Variants in CLASP2 observed in about 807,000 individuals in gnomAD.
CLASP2 encodes cytoplasmic linker associated protein 2.
In CLASP2, 47 loss-of-function variants were observed where a neutral mutation model predicts 194.4. The ratio of observed to expected loss-of-function variants is 0.24; its 90% CI spans 0.19 to 0.31. The LOEUF is 0.31. Ranked by LOEUF, CLASP2 falls within the 10% of genes least tolerant of loss-of-function variation. The probability of loss-of-function intolerance (pLI) is 1.00; values close to 1 mark genes in which losing one functional copy is unlikely to be tolerated. For missense variants in CLASP2, 1,445 were observed against 1,823.6 expected, an observed-to-expected ratio of 0.79 and a Z score of 3.78; for synonymous variants, 619 against 633.5, an observed-to-expected ratio of 0.98 and a Z score of 0.34.
At chr3:33,560,265 CAG>C (rs1278592342) in intron 28 of CLASP2, among the ~76,000 whole-genome samples, 8 of 149,344 alleles carry the variant, frequency 5.4e-5, no homozygotes, top group African/African-American at 1.2e-4. Flanking sequence ...TTTTTTGAGA[CAG>C]AGTCTCGCTC....
rs112093650 is a variant in CLASP2, at chr3:33,498,426, G to C, written c.*205C>G. ...ATTGATGTTAATACTGCTTCTTCTT[G>C]AATTTGGAATAACTATCATAAAAGT... is the stretch of plus-strand genomic sequence containing the variant. On this transcript the variant is annotated 3_prime_UTR_variant, in exon 39 of 39. Coordinates refer to ENST00000682230, the MANE Select transcript of CLASP2 (RefSeq NM_001365631.1). 2.3e-6 allele frequency: 1 copy of C among 437,342 alleles called. No individual in the cohort carries two copies. Among genetic ancestry groups the C allele is most frequent in the African/African-American group, 2.0e-5 (1 of 49,856 alleles). 27.1% of individuals were successfully genotyped at this position (437,342 alleles called of 1,614,324 possible).
intron 7 of CLASP2, among the ~76,000 whole-genome samples, chr3:33,651,682 A>G (rs1023916754): frequency 1.1e-4 from 15 of 131,012 alleles, no homozygotes; most frequent in African/African-American, 3.8e-4. Context: ...TTTTTGAGAC[A>G]GTGTTTTGCT....
At chr3:33,696,169 T>TC (rs1249555653) in intron 2 of CLASP2, among the ~76,000 whole-genome samples, 13 of 151,946 alleles carry the variant, frequency 8.6e-5, no homozygotes, top group Non-Finnish European at 8.8e-5. Flanking sequence ...GTTTTTTTTT[T>TC]CATTTAATTT....
chr3:33,697,595 A>G (rs781601897), intron 1 of CLASP2, among the ~76,000 whole-genome samples: 7 of 152,224 alleles, frequency 4.6e-5, no homozygotes, highest in Admixed American at 1.3e-4. Context: ...ATGCATAACT[A>G]TATTTGTAAC....
chr3:33,564,319 G>A (rs2154183183), intron 27 of CLASP2, among the ~76,000 whole-genome samples: 1 of 152,240 alleles, frequency 6.6e-6, no homozygotes, highest in Non-Finnish European at 1.5e-5. Flanking sequence ...GTCTAGCCAA[G>A]ATTAACTTCT....
chr3:33,684,172 G>C (rs549569336), intron 6 of CLASP2, among the ~76,000 whole-genome samples, 187 bp downstream of exon 6: 1 of 151,936 alleles, frequency 6.6e-6, no homozygotes, highest in South Asian at 2.1e-4. Flanking sequence ...TTGAACCCAG[G>C]AGTCAGAGGT....
chr3:33,666,120 T>C (rs564378390), intron 6 of CLASP2, among the ~76,000 whole-genome samples: 436 of 152,282 alleles, frequency 2.9e-3, no homozygotes, highest in Non-Finnish European at 3.1e-3. Context: ...AAGTTTAGAA[T>C]AAGAATAGTA....
intron 13 of CLASP2, among the ~76,000 whole-genome samples, 170 bp from the exon 14 acceptor site, chr3:33,608,796 AGGCTGGAGTGCAGT>A (rs2074469529): frequency 8.6e-6 from 1 of 116,202 alleles, no homozygotes; most frequent in Admixed American, 1.3e-4. Flanking sequence ...CTTCTTGCCC[AGGCTGGAGTGCAGT>A]GGCGCGATCT....
rs901551340 is a variant in CLASP2 at position 33,561,074 on chromosome 3, A to G, written c.2767-103T>C. 1.4e-5 allele frequency: 14 copies of G among 995,844 alleles called. No homozygotes were observed. In the Admixed American group the frequency reaches 1.9e-4, roughly 14 times the overall value. The allele number at this position is 995,844 out of a possible 1,614,324, so 61.7% of individuals were successfully genotyped here. ...AGAAAGGAACACAGGAATCAGAGGC[A>G]CAGCGATTGGCAGCCAAGCGGAAAA... On this transcript the variant is annotated intron_variant, in intron 27 of 38. Coordinates refer to ENST00000682230, the MANE Select transcript of CLASP2 (RefSeq NM_001365631.1).
rs564393145 is a variant in CLASP2 at position 33,539,790 on chromosome 3, C to A, written c.3405-848G>T. 2.6e-5 allele frequency among the ~76,000 whole-genome samples: 4 copies of A among 152,240 alleles called. No individual in the cohort carries two copies. In the East Asian group the frequency reaches 7.7e-4, roughly 29 times the overall value. ...CTCAAACAGCCTAAAATATTTACTACCTGACCCTTTACAGAAAGTTTATCA... is the reference window on the plus strand; with the variant it reads ...CTCAAACAGCCTAAAATATTTACTAACTGACCCTTTACAGAAAGTTTATCA... On this transcript the variant is annotated intron_variant, in intron 32 of 38. Coordinates refer to ENST00000682230, the MANE Select transcript of CLASP2 (RefSeq NM_001365631.1).
intron 35 of CLASP2, among the ~76,000 whole-genome samples, chr3:33,516,519 T>C (rs1231962213): frequency 1.3e-5 from 2 of 151,882 alleles, no homozygotes; most frequent in Non-Finnish European, 2.9e-5. Context: ...AACACAAAAT[T>C]AGCCGGGGGT....
At chr3:33,526,391 T>C (rs761339536) in intron 34 of CLASP2, among the ~76,000 whole-genome samples, 1 of 152,148 alleles carries the variant, frequency 6.6e-6, no homozygotes, top group African/African-American at 2.4e-5. Flanking sequence ...AGTAGGACAT[T>C]ACATAATGGA....
intron 34 of CLASP2, among the ~76,000 whole-genome samples, chr3:33,532,189 C>T (rs1375875080): frequency 6.6e-6 from 1 of 152,088 alleles, no homozygotes; most frequent in Non-Finnish European, 1.5e-5. Context: ...ATTATTCAGC[C>T]TTACAAAGGA....
Position 33,619,758 on chromosome 3 carries a change from GT to G in CLASP2, c.1182-21del. ...AGGTGGCTACAAAGGAAGACAAAAA[GT>G]ATTTTTTAATAGTTTAACATTAAAT... On this transcript the variant is annotated intron_variant, in intron 11 of 38. Coordinates refer to ENST00000682230, the MANE Select transcript of CLASP2 (RefSeq NM_001365631.1). 1.3e-6 allele frequency: 2 copies of G among 1,552,226 alleles called. No individual in the cohort carries two copies. Among genetic ancestry groups the G allele is most frequent in the Non-Finnish European group, 1.7e-6 (2 of 1,150,888 alleles).
chr3:33,687,290 A>C (rs554563999), intron 4 of CLASP2, among the ~76,000 whole-genome samples, 155 bp from the exon 5 acceptor site: 1 of 151,192 alleles, frequency 6.6e-6, no homozygotes, highest in South Asian at 2.1e-4. Context: ...ACATAAGCAA[A>C]AAATAATTCT....
intron 14 of CLASP2, 39 bp downstream of exon 14, chr3:33,608,528 T>C (rs773340765): frequency 1.6e-5 from 24 of 1,494,692 alleles, no homozygotes; most frequent in Non-Finnish European, 2.2e-5. Context: ...CTGGTGACAA[T>C]GGGGAGGAAA....
chr3:33,544,417 T>TTA lies in CLASP2; in HGVS notation c.3297+280_3297+281insTA, dbSNP rs1478541213. Reference sequence around the variant, plus strand: ...CCTGATTCTAATGGCTTCCAGCTGGTGCTCTCATCTATGTTTTGCTCACGT... The same window carrying TTA: ...CCTGATTCTAATGGCTTCCAGCTGGTTAGCTCTCATCTATGTTTTGCTCACGT... On this transcript the variant is annotated intron_variant, in intron 31 of 38. Coordinates refer to ENST00000682230, the MANE Select transcript of CLASP2 (RefSeq NM_001365631.1). Among the ~76,000 whole-genome samples the TTA allele has an allele frequency of 3.3e-5, 5 of 152,160 alleles. No individual in the cohort carries two copies. The East Asian group carries it at 9.6e-4, about 29-fold the overall frequency.
intron 36 of CLASP2, among the ~76,000 whole-genome samples, chr3:33,512,496 A>G (rs1295928994): frequency 2.8e-5 from 1 of 35,178 alleles, no homozygotes; most frequent in African/African-American, 1.3e-4. Context: ...AGCATGGCAC[A>G]TGTATACATA....
At chr3:33,540,505 G>T (rs1373872781) in intron 32 of CLASP2, among the ~76,000 whole-genome samples, 1 of 151,576 alleles carries the variant, frequency 6.6e-6, no homozygotes, top group Non-Finnish European at 1.5e-5. Context: ...GCCTCCCAAA[G>T]TGCTAGGATT....
Sources: gnomAD v4.1 joint callset for allele counts (sites outside exome capture counted in the v4.1 genomes callset) on GRCh38, gnomAD v4.1.1 for gene constraint, MANE v1.5 for transcripts, NCBI Gene and HGNC (gene_info 2026-07-23, HGNC 2026-07-21) for gene names.